Variants in MARCHF1 observed in about 807,000 individuals in gnomAD.
MARCHF1 encodes the protein membrane associated ring-CH-type finger 1.
A neutral mutation model predicts 54.2 loss-of-function variants in MARCHF1; 40 were observed. The ratio of observed to expected loss-of-function variants is 0.74; its 90% CI spans 0.57 to 0.96. The LOEUF (loss-of-function observed/expected upper bound fraction) is 0.96. Ranked by LOEUF, MARCHF1 falls within the 40% of genes least tolerant of loss-of-function variation. The pLI is 0.00. For missense variants in MARCHF1, 586 were observed against 656.5 expected (o/e 0.89, Z 1.17); for synonymous variants, 236 against 236.3 (o/e 1.00, Z 0.01).
At chr4:163,912,078 T>C (rs1306999683) in intron 3 of MARCHF1, among the ~76,000 whole-genome samples, 1 of 148,222 alleles carries the variant, frequency 6.7e-6, no homozygotes, top group Non-Finnish European at 1.5e-5. Flanking sequence ...TTTTTTTTTT[T>C]TTCCATGTTT....
chr4:164,254,283 G>A (rs1350216141), intron 1 of MARCHF1, among the ~76,000 whole-genome samples: 1 of 149,558 alleles, frequency 6.7e-6, no homozygotes, highest in African/African-American at 2.5e-5. Flanking sequence ...GTATTCGTCA[G>A]GTTTCTCTTA....
At chr4:164,374,974 C>T (rs1731146180) in intron 1 of MARCHF1, among the ~76,000 whole-genome samples, 1 of 152,108 alleles carries the variant, frequency 6.6e-6, no homozygotes, top group East Asian at 1.9e-4. Flanking sequence ...TGGGACCTGA[C>T]TTTGGGTTCC....
intron 3 of MARCHF1, among the ~76,000 whole-genome samples, chr4:163,981,339 G>A (rs1375266404): frequency 6.6e-6 from 1 of 152,142 alleles, no homozygotes; most frequent in Non-Finnish European, 1.5e-5. Context: ...GATAGTCAAG[G>A]TGAAAGATGA....
At chr4:164,147,281 T>C (rs1729777628) in intron 1 of MARCHF1, among the ~76,000 whole-genome samples, 1 of 148,018 alleles carries the variant, frequency 6.8e-6, no homozygotes, top group South Asian at 2.2e-4. Flanking sequence ...CTCAGGGATC[T>C]AGAACTGGAA....
At chr4:164,293,496 C>A (rs1470922908) in intron 1 of MARCHF1, among the ~76,000 whole-genome samples, 1 of 152,196 alleles carries the variant, frequency 6.6e-6, no homozygotes, top group Non-Finnish European at 1.5e-5. Context: ...TCTCCTGGCT[C>A]GGAGTACAGC....
At chr4:164,042,181 A>G (rs1179599714) in intron 2 of MARCHF1, among the ~76,000 whole-genome samples, 1 of 152,172 alleles carries the variant, frequency 6.6e-6, no homozygotes, top group Non-Finnish European at 1.5e-5. Context: ...TCCAAGAATG[A>G]GACCACTCTA....
intron 4 of MARCHF1, among the ~76,000 whole-genome samples, chr4:163,837,094 A>T (rs1343776318): frequency 6.6e-6 from 1 of 152,244 alleles, no homozygotes; most frequent in Non-Finnish European, 1.5e-5. Flanking sequence ...AAATAAGGAC[A>T]CACCACTAAT....
rs925507419 is a variant in MARCHF1, at chr4:163,527,222, T to C, written c.*1526A>G. ...TGCAATGTCATTCACACATCAGTTT[T>C]ACATGAATATGCAAAGAACACAATA... On this transcript the variant is annotated 3_prime_UTR_variant, in exon 10 of 10. Coordinates refer to ENST00000514618, the MANE Select transcript of MARCHF1 (RefSeq NM_001394959.1). 8 of 152,090 alleles carry C rather than the reference T, an allele frequency of 5.3e-5. No individual in the cohort carries two copies. The highest frequency in any genetic ancestry group is 1.9e-4 in the African/African-American group (8 of 41,452). 9.4% of individuals were successfully genotyped at this position (152,090 alleles called of 1,614,324 possible). A position where few individuals can be genotyped will look rare whatever the true frequency, so the allele number is the denominator to read the frequency against.
At chr4:163,669,908 A>G (rs1743673300) in intron 5 of MARCHF1, among the ~76,000 whole-genome samples, 1 of 152,002 alleles carries the variant, frequency 6.6e-6, no homozygotes, top group African/African-American at 2.4e-5. Context: ...TGAGATGTTT[A>G]TCTTCTTATG....
At chr4:164,259,219 G>A (rs11943011) in intron 1 of MARCHF1, among the ~76,000 whole-genome samples, 74,630 of 151,760 alleles carry the variant, frequency 0.49, 20,578 homozygotes, top group Non-Finnish European at 0.64. Flanking sequence ...CCATCAATAC[G>A]GTTATTCTGT....
chr4:164,335,815 T>C (rs1729722781), intron 1 of MARCHF1, among the ~76,000 whole-genome samples: 1 of 152,142 alleles, frequency 6.6e-6, no homozygotes, highest in Non-Finnish European at 1.5e-5. Context: ...AACATAACTT[T>C]TGTATGCCCT....
chr4:164,224,018 C>A lies in MARCHF1; in HGVS notation c.-322-112356G>T, dbSNP rs144890610. Among the ~76,000 whole-genome samples, 19 of 149,832 alleles carry A rather than the reference C, an allele frequency of 1.3e-4. No individual in the cohort carries two copies. In the East Asian group the frequency reaches 3.7e-3, roughly 30 times the overall value. On this transcript the variant is annotated intron_variant, in intron 1 of 9. Transcript: ENST00000514618. ...AGGAAATTTTAGTCTTGCCTCCTTA[C>A]ATTTCTAGCATTCTCTTTTACAGCA...
At chr4:163,961,385 T>C (rs571433521) in intron 3 of MARCHF1, among the ~76,000 whole-genome samples, 23 of 152,174 alleles carry the variant, frequency 1.5e-4, no homozygotes, top group African/African-American at 5.5e-4. Context: ...GTTCTAATGC[T>C]GTCATTGAAA....
At chr4:163,897,110 C>T (rs1750826226) in intron 3 of MARCHF1, among the ~76,000 whole-genome samples, 1 of 152,110 alleles carries the variant, frequency 6.6e-6, no homozygotes, top group Admixed American at 6.5e-5. Context: ...CAACTATGGC[C>T]AATTTTTATG....
At chr4:164,371,645 A>T (rs1303306481) in intron 1 of MARCHF1, among the ~76,000 whole-genome samples, 2 of 152,228 alleles carry the variant, frequency 1.3e-5, no homozygotes, top group East Asian at 1.9e-4. Flanking sequence ...AAGATGCTCA[A>T]TAGCACCAAT....
intron 1 of MARCHF1, among the ~76,000 whole-genome samples, chr4:164,340,426 T>G (rs949063018): frequency 1.5e-5 from 2 of 131,724 alleles, no homozygotes; most frequent in Non-Finnish European, 3.3e-5. Flanking sequence ...TATATATATA[T>G]ATATATATAG....
rs761157215 is a variant in MARCHF1 at position 163,613,397 on chromosome 4, G to C, written c.163-4C>G. 6.2e-7 allele frequency: 1 copy of C among 1,613,304 alleles called. No homozygotes were observed. The highest frequency in any genetic ancestry group is 1.7e-5 in the Admixed American group (1 of 59,876). On this transcript the variant is annotated splice_region_variant and splice_polypyrimidine_tract_variant and intron_variant, in intron 5 of 9. Coordinates refer to ENST00000514618, the MANE Select transcript of MARCHF1 (RefSeq NM_001394959.1). ...TCCCTGTTGTTGGGCTGCTTGCCTG[G>C]AGAAACAAGTTAGATAATTTGGCAT...
chr4:163,829,548 C>T (rs901004535), intron 4 of MARCHF1, among the ~76,000 whole-genome samples: 2 of 152,168 alleles, frequency 1.3e-5, no homozygotes, highest in Admixed American at 6.6e-5. Context: ...CTCCTTACTG[C>T]TCTTTCAGCA....
At chr4:163,950,277 T>C (rs1338232217) in intron 3 of MARCHF1, among the ~76,000 whole-genome samples, 2 of 152,176 alleles carry the variant, frequency 1.3e-5, no homozygotes, top group African/African-American at 4.8e-5. Flanking sequence ...CTCCCTCTTG[T>C]GCTTATCAGT....
Sources: gnomAD v4.1 joint callset for allele counts (sites outside exome capture counted in the v4.1 genomes callset) on GRCh38, gnomAD v4.1.1 for gene constraint, MANE v1.5 for transcripts, NCBI Gene and HGNC (gene_info 2026-07-23, HGNC 2026-07-21) for gene names.